ADAMTS19: variants seen among roughly 807,000 people sequenced by gnomAD.
ADAMTS19 encodes ADAM metallopeptidase with thrombospondin type 1 motif 19.
In ADAMTS19, 93 loss-of-function variants were observed where a neutral mutation model predicts 153.3. That is an observed-to-expected ratio of 0.61 (90% CI 0.51 to 0.72). The LOEUF (loss-of-function observed/expected upper bound fraction) is 0.72, where lower values mean the gene tolerates loss of function less well. Ranked by LOEUF, ADAMTS19 falls within the 30% of genes least tolerant of loss-of-function variation. The pLI, the probability that ADAMTS19 is intolerant of heterozygous loss-of-function variation, is 0.00. For synonymous variants in ADAMTS19, 600 were observed against 556.6 expected (o/e 1.08, Z -1.10); for missense variants, 1,482 against 1,552.1 (o/e 0.95, Z 0.76).
intron 6 of ADAMTS19, among the ~76,000 whole-genome samples, chr5:129,536,368 T>C (rs1391826133): frequency 1.3e-5 from 2 of 152,132 alleles, no homozygotes; most frequent in African/African-American, 4.8e-5. Flanking sequence ...TGAGATACCA[T>C]CTCACACCAG....
intron 2 of ADAMTS19, among the ~76,000 whole-genome samples, chr5:129,463,090 T>G (rs1749741346): frequency 6.6e-6 from 1 of 152,260 alleles, no homozygotes; most frequent in South Asian, 2.1e-4. Context: ...AAGCTTTTAT[T>G]AAAAGGTTTT....
At chr5:129,586,029 AG>A (rs1208378277) in intron 7 of ADAMTS19, among the ~76,000 whole-genome samples, 2 of 152,110 alleles carry the variant, frequency 1.3e-5, no homozygotes, top group Non-Finnish European at 2.9e-5. Flanking sequence ...TTTTTAGAGC[AG>A]TCTTAGGTTC....
At chr5:129,511,535 C>T (rs1440380433) in intron 3 of ADAMTS19, among the ~76,000 whole-genome samples, 1 of 151,658 alleles carries the variant, frequency 6.6e-6, no homozygotes, top group Non-Finnish European at 1.5e-5. Context: ...AGTTTCTATT[C>T]TCAAGAGGTG....
chr5:129,548,323 T>C (rs1386183363), intron 6 of ADAMTS19, among the ~76,000 whole-genome samples: 1 of 136,466 alleles, frequency 7.3e-6, no homozygotes, highest in African/African-American at 3.0e-5. Context: ...TCAAACAAAT[T>C]TACAAAAAAA....
chr5:129,653,258 T>A (rs1044927502), intron 13 of ADAMTS19, among the ~76,000 whole-genome samples: 3 of 152,150 alleles, frequency 2.0e-5, no homozygotes, highest in Non-Finnish European at 4.4e-5. Flanking sequence ...ATAAGCTTAA[T>A]AAACAGTAAA....
At chr5:129,514,641 A>G (rs552954351) in intron 3 of ADAMTS19, among the ~76,000 whole-genome samples, 2 of 151,742 alleles carry the variant, frequency 1.3e-5, no homozygotes, top group South Asian at 4.2e-4. Context: ...GGATTATGAG[A>G]TTTTTTCCTA....
chr5:129,696,178 G>A (rs763024451), intron 19 of ADAMTS19, among the ~76,000 whole-genome samples: 13 of 152,100 alleles, frequency 8.5e-5, no homozygotes, highest in Admixed American at 5.2e-4. Context: ...GTTAATGAGC[G>A]CTTAAAAGAA....
intron 2 of ADAMTS19, among the ~76,000 whole-genome samples, chr5:129,497,825 A>G (rs1222762956): frequency 6.6e-6 from 1 of 152,042 alleles, no homozygotes; most frequent in Non-Finnish European, 1.5e-5. Context: ...TAGCCTAGCC[A>G]CTGTGATCTT....
At chr5:129,616,984 T>G (rs1751561816) in intron 8 of ADAMTS19, among the ~76,000 whole-genome samples, 2 of 152,044 alleles carry the variant, frequency 1.3e-5, no homozygotes, top group Admixed American at 1.3e-4. Flanking sequence ...GAGTCACAGC[T>G]TCACCATTAA....
At chr5:129,547,610 A>T (rs7718633) in intron 6 of ADAMTS19, among the ~76,000 whole-genome samples, 33,969 of 149,946 alleles carry the variant, frequency 0.23, 4,558 homozygotes, top group African/African-American at 0.26. Context: ...TGAATCTATA[A>T]ATAGATTCAA....
chr5:129,483,624 T>A (rs892013414), intron 2 of ADAMTS19, among the ~76,000 whole-genome samples: 1 of 152,138 alleles, frequency 6.6e-6, no homozygotes, highest in Non-Finnish European at 1.5e-5. Context: ...GCCTGGCAAC[T>A]AGTGTCAGAT....
intron 10 of ADAMTS19, among the ~76,000 whole-genome samples, chr5:129,639,435 G>A (rs940142219): frequency 6.6e-6 from 1 of 152,112 alleles, no homozygotes; most frequent in Non-Finnish European, 1.5e-5. Context: ...AAGATCCCTA[G>A]ACCTGCAGAA....
intron 6 of ADAMTS19, among the ~76,000 whole-genome samples, chr5:129,550,485 T>C (rs1035300205): frequency 2.6e-4 from 39 of 148,128 alleles, no homozygotes; most frequent in African/African-American, 9.3e-4. Flanking sequence ...TGTATGTATC[T>C]AGATATACAT....
chr5:129,611,105 C>T lies in ADAMTS19; in HGVS notation c.1479-9513C>T, dbSNP rs184010901. On this transcript the variant is annotated intron_variant, in intron 8 of 22. Coordinates refer to ENST00000274487, the MANE Select transcript of ADAMTS19 (RefSeq NM_133638.6). Reference sequence around the variant, plus strand: ...TGTCTTCTTTTGAGAAGTGTCTGTTCGTATCCTTCACCCACTGGTTGATGG... The same window carrying T: ...TGTCTTCTTTTGAGAAGTGTCTGTTTGTATCCTTCACCCACTGGTTGATGG... Among the ~76,000 whole-genome samples the T allele has an allele frequency of 1.1e-4, 17 of 152,232 alleles. No homozygotes were observed. In the East Asian group the frequency reaches 2.5e-3, roughly 23 times the overall value.
Position 129,594,070 on chromosome 5 carries a change from G to T in ADAMTS19, c.1373-2489G>T, listed in dbSNP as rs139402730. On this transcript the variant is annotated intron_variant, in intron 7 of 22. Transcript: ENST00000274487. ...CCTTCAGCAAACATCATATGCAACT[G>T]TGAAACTGTAAACATTCCTGTTAAA... Among the ~76,000 whole-genome samples the T allele has an allele frequency of 2.0e-3, 305 of 152,220 alleles. 2 individuals are homozygous for T. The highest frequency in any genetic ancestry group is 7.1e-3 in the African/African-American group (297 of 41,554).
chr5:129,520,976 G>A (rs7707594), intron 3 of ADAMTS19, among the ~76,000 whole-genome samples: 21,870 of 151,958 alleles, frequency 0.14, 2,393 homozygotes, highest in African/African-American at 0.32. Context: ...GATGGTCACT[G>A]TAGTGATATA....
chr5:129,691,681 AC>A, intron 18 of ADAMTS19, among the ~76,000 whole-genome samples: 1 of 152,266 alleles, frequency 6.6e-6, no homozygotes. Context: ...TAGCTGCCAA[AC>A]CTTACAATAT....
chr5:129,622,200 C>T lies in ADAMTS19; in HGVS notation c.1622C>T (p.Ser541Leu). The change falls in exon 10 of 23, where the codon TCA (serine) becomes TTA (leucine). Residue 541 changes from serine to leucine, a missense_variant and splice_region_variant. By Grantham distance (145) the Ser-to-Leu change is moderately radical. This residue lies in a region of ADAMTS19 where 866 missense variants were observed against 827.7 expected (regional missense o/e 1.05). Transcript: ENST00000274487. ...SKEDLERFLR[S>L]KASNCLLQTN... ...TACACATACCTGCCTATTGCCAGGT[C>T]AAAGGCCAGTAACTGCTTGCTACAA... 1 of 1,614,030 alleles carries T rather than the reference C, an allele frequency of 6.2e-7. No individual in the cohort carries two copies. The highest frequency in any genetic ancestry group is 8.5e-7 in the Non-Finnish European group (1 of 1,179,952).
At chr5:129,473,432 A>G (rs17768741) in intron 2 of ADAMTS19, among the ~76,000 whole-genome samples, 4,966 of 152,186 alleles carry the variant, frequency 0.033, 130 homozygotes, top group East Asian at 0.17. Context: ...TAACATATCT[A>G]GGGTGTTTGT....
Sources: allele counts gnomAD v4.1 joint callset (sites outside exome capture counted in the v4.1 genomes callset), GRCh38; gene constraint gnomAD v4.1.1; regional missense constraint gnomAD v4.1.1; transcripts MANE v1.5; gene names NCBI Gene and HGNC (gene_info 2026-07-23, HGNC 2026-07-21).